The following NMRK2 variants were observed in gnomAD, a reference collection of about 807,000 sequenced individuals.
The protein encoded by NMRK2 is NRK 2.
In NMRK2, 34 loss-of-function variants were observed where a neutral mutation model predicts 24.7. The observed-to-expected ratio is 1.37, with a 90% CI of 1.05 to 1.83. The LOEUF is 1.83. Ranked by LOEUF, NMRK2 falls within the 40% of genes most tolerant of loss-of-function variation. NMRK2 has a pLI of 0.00. For missense variants in NMRK2, 341 were observed against 315.0 expected, an observed-to-expected ratio of 1.08 and a Z score of -0.62; for synonymous variants, 145 against 125.6, an observed-to-expected ratio of 1.15 and a Z score of -1.03.
chr19:3,937,385 C>T (rs2039233343), intron 4 of NMRK2, 97 bp downstream of exon 4: 6 of 556,928 alleles, frequency 1.1e-5, no homozygotes, highest in Non-Finnish European at 1.9e-5. Flanking sequence ...GGTCCGCCCT[C>T]CTGCAATGCC....
intron 5 of NMRK2, 90 bp downstream of exon 5, chr19:3,938,849 GT>G (rs59201914): frequency 0.3 from 67,939 of 222,906 alleles, 5,462 homozygotes; most frequent in South Asian, 0.44. Flanking sequence ...TTTTTGTTTT[GT>G]TTTTTTTTTT....
intron 2 of NMRK2, 89 bp downstream of exon 2, chr19:3,933,786 G>A: frequency 1.6e-6 from 2 of 1,274,500 alleles, no homozygotes; most frequent in Non-Finnish European, 1.0e-6. Context: ...ATGGAGGGAT[G>A]CCTGGCGCCT....
chr19:3,933,531 C>T lies in NMRK2; in HGVS notation c.-141C>T, dbSNP rs1599156944. On this transcript the variant is annotated 5_prime_UTR_variant, in exon 2 of 8. Coordinates refer to ENST00000168977, the MANE Select transcript of NMRK2 (RefSeq NM_170678.3). ...CCCCATCCCCAGGGGCCGCCTCCCC[C>T]GGGGCGGCCTCCAGGCTGCCGAGAC... is the stretch of plus-strand genomic sequence containing the variant. 2 of 930,194 alleles carry T rather than the reference C, an allele frequency of 2.2e-6. No individual in the cohort carries two copies. Among genetic ancestry groups the T allele is most frequent in the East Asian group, 3.3e-5 (1 of 30,626 alleles). The allele number at this position is 930,194 out of a possible 1,614,324, so 57.6% of individuals were successfully genotyped here.
Position 3,933,440 on chromosome 19 carries a change from A to G in NMRK2, c.-214-18A>G. On this transcript the variant is annotated intron_variant, in intron 1 of 7. Transcript: ENST00000168977. ...CCCCCTGCCCGGCCAGCTCGTGACT[A>G]ATTTAGGCAAAAGGCAGCCTGGAGC... The G allele has an allele frequency of 4.0e-6, 2 of 506,056 alleles. No individual in the cohort carries two copies. The highest frequency in any genetic ancestry group is 5.3e-4 in the Middle Eastern group (1 of 1,878). The allele number at this position is 506,056 out of a possible 1,614,324, so 31.3% of individuals were successfully genotyped here.
In NMRK2 at chr19:3,933,419, C is replaced by T. The variant is rs1423819002; in HGVS notation, c.-214-39C>T. The stretch of plus-strand genomic sequence containing the variant: ...GTGGGAGGAGGGAAGAGGCAGCCCC[C>T]TGCCCGGCCAGCTCGTGACTAATTT... On this transcript the variant is annotated intron_variant, in intron 1 of 7. Transcript: ENST00000168977. The T allele has an allele frequency of 6.0e-6, 3 of 502,700 alleles. No homozygotes were observed. In the East Asian group the frequency reaches 1.1e-4, roughly 18 times the overall value. The allele number at this position is 502,700 out of a possible 1,614,324, so 31.1% of individuals were successfully genotyped here. A position where few individuals can be genotyped will look rare whatever the true frequency, so the allele number is the denominator to read the frequency against.
Position 3,937,300 on chromosome 19 carries a change from C to T in NMRK2, c.166+12C>T, listed in dbSNP as rs1568179778. 6.2e-7 allele frequency: 1 copy of T among 1,612,258 alleles called. No homozygotes were observed. ...CAAACAGTGGGACGGTAAGGACAAG[C>T]ATCACCTCCAAGCCCCACTATCCCC... On this transcript the variant is annotated intron_variant, in intron 4 of 7. Coordinates refer to ENST00000168977, the MANE Select transcript of NMRK2 (RefSeq NM_170678.3).
chr19:3,941,205 G>T, intron 7 of NMRK2, 28 bp downstream of exon 7: 1 of 926,458 alleles, frequency 1.1e-6, no homozygotes, highest in Non-Finnish European at 1.7e-6. Context: ...ACCAGGCCTT[G>T]CCCCGGGCGG....
chr19:3,937,835 T>C (rs574962576), intron 4 of NMRK2, among the ~76,000 whole-genome samples: 59 of 88,730 alleles, frequency 6.6e-4, no homozygotes, highest in African/African-American at 2.6e-3. Context: ...CCCCCCGGGG[T>C]CCGCCCTCCT....
intron 4 of NMRK2, among the ~76,000 whole-genome samples, chr19:3,937,854 C>T (rs1297902192): frequency 1.3e-4 from 12 of 90,412 alleles, no homozygotes; most frequent in Middle Eastern, 0.012. Context: ...CTGCAATGCC[C>T]GCTCCCCGTC....
At chr19:3,933,403 G>A (rs903340354) in intron 1 of NMRK2, 55 bp from the exon 2 acceptor site, 12 of 491,812 alleles carry the variant, frequency 2.4e-5, no homozygotes, top group African/African-American at 1.6e-4. Flanking sequence ...GGTGGGAGGA[G>A]GGAAGAGGCA....
Position 3,939,906 on chromosome 19 carries a change from G to A in NMRK2, c.330G>A (p.Leu110=), listed in dbSNP as rs1364776519. ...TCTCCCCCACTCCGCCCAGGCCCCT[G>A]GTGGACTTGTACAGCCGCCGGTACT... is the stretch of plus-strand genomic sequence containing the variant. ...EGFLLYSYKP[L]VDLYSRRYFL... is the part of the protein sequence containing the mutation. Residue 110 remains leucine, a synonymous_variant, in exon 6 of 8, where the codon CTG becomes CTA. Coordinates refer to ENST00000168977, the MANE Select transcript of NMRK2 (RefSeq NM_170678.3). The A allele has an allele frequency of 1.9e-6, 3 of 1,612,566 alleles. No homozygotes were observed. The highest frequency in any genetic ancestry group is 2.5e-6 in the Non-Finnish European group (3 of 1,178,808).
In NMRK2 at chr19:3,941,083, C is replaced by A; in HGVS notation, c.408C>A (p.Tyr136Ter). The A allele has an allele frequency of 6.2e-7, 1 of 1,612,992 alleles. No homozygotes were observed. The highest frequency in any genetic ancestry group is 8.5e-7 in the Non-Finnish European group (1 of 1,179,070). Residue 136 changes from tyrosine to a stop codon, truncating the protein, a stop_gained, in exon 7 of 8, where the codon TAC becomes TAA. Transcript: ENST00000168977. LOFTEE classifies it high-confidence loss of function. ...ECKWRRSTRN[Y>*]TVPDPPGLFD... is the part of the protein sequence containing the mutation. Reference sequence around the variant, plus strand: ...TCTCCCTCTGCAGTACCCGCAACTACACAGTCCCTGATCCCCCCGGCCTCT... The same window carrying A: ...TCTCCCTCTGCAGTACCCGCAACTAAACAGTCCCTGATCCCCCCGGCCTCT...
chr19:3,940,041 G>A (rs1363628508), intron 6 of NMRK2, 70 bp downstream of exon 6: 11 of 1,403,190 alleles, frequency 7.8e-6, no homozygotes, highest in Admixed American at 1.9e-5. Flanking sequence ...TGGAACCAGC[G>A]GTAACCTAGA....
chr19:3,935,868 G>A (rs941324915), intron 2 of NMRK2, among the ~76,000 whole-genome samples: 15 of 152,120 alleles, frequency 9.9e-5, no homozygotes, highest in Non-Finnish European at 1.6e-4. Context: ...ACCGTGCATG[G>A]CCGGTGCTGT....
In NMRK2 at chr19:3,936,597, A is replaced by G; in HGVS notation, c.49A>G (p.Thr17Ala). ...CAGCATGACCAACGGCGGCAAGACCACGCTGACCAACAGCCTGCTCAGAGC... is the reference window on the plus strand; with the variant it reads ...CAGCATGACCAACGGCGGCAAGACCGCGCTGACCAACAGCCTGCTCAGAGC... ...IGGMTNGGKTTLTNSLLRALP... is the reference protein window; with the variant it reads ...IGGMTNGGKTALTNSLLRALP... Residue 17 changes from threonine to alanine, a missense_variant, in exon 3 of 8, where the codon ACG (threonine) becomes GCG (alanine). Thr to Ala is a moderately conservative substitution (Grantham distance 58, BLOSUM62 0). Coordinates refer to ENST00000168977, the MANE Select transcript of NMRK2 (RefSeq NM_170678.3). 1 of 1,566,310 alleles carries G rather than the reference A, an allele frequency of 6.4e-7. No homozygotes were observed. Among genetic ancestry groups the G allele is most frequent in the Non-Finnish European group, 8.6e-7 (1 of 1,156,860 alleles).
chr19:3,935,251 C>CTT lies in NMRK2; in HGVS notation c.27-1303_27-1302dup, dbSNP rs900517564. Among the ~76,000 whole-genome samples, 937 of 105,432 alleles carry CTT rather than the reference C, an allele frequency of 8.9e-3. 4 individuals are homozygous for CTT. The highest frequency in any genetic ancestry group is 0.013 in the Middle Eastern group (2 of 152). 69.2% of individuals were successfully genotyped at this position (105,432 alleles called of 152,430 possible). A position where few individuals can be genotyped will look rare whatever the true frequency, so the allele number is the denominator to read the frequency against. On this transcript the variant is annotated intron_variant, in intron 2 of 7. Coordinates refer to ENST00000168977, the MANE Select transcript of NMRK2 (RefSeq NM_170678.3). ...ATAGGTGTCCTCTTTTTCCGTCAGTCTTTTTTTTTTTTTTTTTTTTTTGAG... is the reference window on the plus strand; with the variant it reads ...ATAGGTGTCCTCTTTTTCCGTCAGTCTTTTTTTTTTTTTTTTTTTTTTTTGAG...
chr19:3,941,747 T>C (rs915057058), intron 7 of NMRK2, among the ~76,000 whole-genome samples: 45 of 151,030 alleles, frequency 3.0e-4, no homozygotes, highest in African/African-American at 9.3e-4. Flanking sequence ...GGTTCAAGCC[T>C]TTCCCCTGCC....
chr19:3,938,577 T>G (rs911723385), intron 4 of NMRK2, 26 bp from the exon 5 acceptor site: 13 of 1,535,846 alleles, frequency 8.5e-6, no homozygotes, highest in South Asian at 2.5e-5. Context: ...TCTGCCCTCC[T>G]GCAATGCCTG....
In NMRK2 at chr19:3,933,580, A is replaced by G. The variant is rs2039153055; in HGVS notation, c.-92A>G. The G allele has an allele frequency of 1.2e-5, 17 of 1,448,308 alleles. No individual in the cohort carries two copies. The highest frequency in any genetic ancestry group is 1.6e-5 in the Non-Finnish European group (17 of 1,084,610). The allele number at this position is 1,448,308 out of a possible 1,614,324, so 89.7% of individuals were successfully genotyped here. The stretch of plus-strand genomic sequence containing the variant: ...ACCTATAAAGGCGCCAGGTTTTCTC[A>G]ATGAAGCCGGGACGCACTCCGGAGC... On this transcript the variant is annotated 5_prime_UTR_variant, in exon 2 of 8. Transcript: ENST00000168977.
Sources: allele counts gnomAD v4.1 joint callset (sites outside exome capture counted in the v4.1 genomes callset), GRCh38; gene constraint gnomAD v4.1.1; transcripts MANE v1.5; gene names NCBI Gene and HGNC (gene_info 2026-07-23, HGNC 2026-07-21).